APBB2: variants seen among roughly 807,000 people sequenced by gnomAD.
APBB2 encodes amyloid beta precursor protein binding family B member 2.
A neutral mutation model predicts 82.5 loss-of-function variants in APBB2; 38 were observed. The ratio of observed to expected loss-of-function variants is 0.46; its 90% confidence interval spans 0.36 to 0.60. The LOEUF is 0.60. APBB2 is among the 20% of genes least tolerant of loss of function. APBB2 has a pLI of 0.00. For synonymous variants in APBB2, 341 were observed against 368.2 expected, an observed-to-expected ratio of 0.93 and a Z score of 0.85; for missense variants, 772 against 972.3, an observed-to-expected ratio of 0.79 and a Z score of 2.74.
intron 4 of APBB2, among the ~76,000 whole-genome samples, chr4:41,061,443 G>A (rs1046449150): frequency 7.2e-5 from 11 of 152,198 alleles, no homozygotes; most frequent in African/African-American, 2.4e-5. Flanking sequence ...AGAGCCTAGT[G>A]TTCCCAGGCT....
chr4:40,870,769 C>G (rs1431255864), intron 12 of APBB2, among the ~76,000 whole-genome samples: 1 of 144,868 alleles, frequency 6.9e-6, no homozygotes, highest in Non-Finnish European at 1.5e-5. Flanking sequence ...AAGTCTCACT[C>G]TCACCCATGC....
At chr4:41,160,726 A>G (rs1764936866) in intron 1 of APBB2, among the ~76,000 whole-genome samples, 1 of 152,148 alleles carries the variant, frequency 6.6e-6, no homozygotes, top group Non-Finnish European at 1.5e-5. Context: ...GCTCAAAGAG[A>G]GGGAGGGAGG....
At chr4:41,033,688 T>C (rs1718010212) in intron 4 of APBB2, among the ~76,000 whole-genome samples, 1 of 150,220 alleles carries the variant, frequency 6.7e-6, no homozygotes, top group Admixed American at 6.6e-5. Context: ...AAACCATCTG[T>C]TTAGAAAAAA....
At chr4:40,991,685 C>T (rs1040244276) in intron 6 of APBB2, among the ~76,000 whole-genome samples, 2 of 152,034 alleles carry the variant, frequency 1.3e-5, no homozygotes, top group African/African-American at 4.8e-5. Context: ...AGACTTTTCA[C>T]CCCCTCCTCC....
intron 1 of APBB2, chr4:41,193,907 A>G: frequency 6.6e-6 from 1 of 152,204 alleles, no homozygotes; most frequent in Non-Finnish European, 1.5e-5. Context: ...CAGTGTTCGC[A>G]TTTCTTTTCT....
intron 1 of APBB2, among the ~76,000 whole-genome samples, chr4:41,175,888 T>C (rs1769636616): frequency 6.6e-6 from 1 of 152,212 alleles, no homozygotes; most frequent in African/African-American, 2.4e-5. Context: ...GTTCTTACTT[T>C]AAAGCAACCT....
Position 41,100,762 on chromosome 4 carries a change from G to A in APBB2, c.-260-12C>T, listed in dbSNP as rs1745068865. Reference sequence around the variant, plus strand: ...CCAAAGAGATCGATCTAGAAAGTGTGTAGAGACAAAAATTTTAAATTCAAA... The same window carrying A: ...CCAAAGAGATCGATCTAGAAAGTGTATAGAGACAAAAATTTTAAATTCAAA... On this transcript the variant is annotated splice_polypyrimidine_tract_variant and intron_variant, in intron 2 of 17. Transcript: ENST00000508593. The A allele has an allele frequency of 6.6e-6, 1 of 152,146 alleles. No individual in the cohort carries two copies. The highest frequency in any genetic ancestry group is 2.1e-4 in the South Asian group (1 of 4,832). The allele number at this position is 152,146 out of a possible 1,614,324, so 9.4% of individuals were successfully genotyped here.
At chr4:40,946,635 G>A (rs1292443221) in intron 6 of APBB2, among the ~76,000 whole-genome samples, 1 of 152,054 alleles carries the variant, frequency 6.6e-6, no homozygotes, top group African/African-American at 2.4e-5. Context: ...GACATCCACC[G>A]AGATGGAGGG....
intron 12 of APBB2, among the ~76,000 whole-genome samples, chr4:40,887,766 G>A (rs1024140695): frequency 6.6e-6 from 1 of 152,102 alleles, no homozygotes; most frequent in Non-Finnish European, 1.5e-5. Flanking sequence ...ACCCTCCCAT[G>A]ATCTCGCTGA....
In APBB2 at chr4:40,944,866, TCGTTCTC is replaced by T; in HGVS notation, c.1036_1042del (p.Glu346ArgfsTer11). ...TGGTAAAAAGACACTCCGTTTTACC[TCGTTCTC>T]TGGGGTGGGAGATGGCGTTACAGAA... On this transcript the variant is annotated frameshift_variant and splice_region_variant, in exon 7 of 18. Transcript: ENST00000508593. LOFTEE classifies it high-confidence loss of function. The T allele has an allele frequency of 6.2e-7, 1 of 1,612,574 alleles. No homozygotes were observed. Among genetic ancestry groups the T allele is most frequent in the Non-Finnish European group, 8.5e-7 (1 of 1,179,940 alleles).
chr4:40,915,903 T>C (rs1051855270), intron 10 of APBB2, among the ~76,000 whole-genome samples: 1 of 151,994 alleles, frequency 6.6e-6, no homozygotes, highest in Non-Finnish European at 1.5e-5. Context: ...TTGTGACTAA[T>C]AAGAAGGAAG....
chr4:40,875,648 A>AG (rs1766694348), intron 12 of APBB2, among the ~76,000 whole-genome samples: 1 of 152,160 alleles, frequency 6.6e-6, no homozygotes, highest in Non-Finnish European at 1.5e-5. Context: ...GCTACATTTC[A>AG]AGTGCTCAAG....
At chr4:41,040,443 A>T (rs1720914993) in intron 4 of APBB2, among the ~76,000 whole-genome samples, 1 of 152,216 alleles carries the variant, frequency 6.6e-6, no homozygotes, top group Admixed American at 6.5e-5. Context: ...CATTGTGCTA[A>T]GTAGGTACTT....
intron 6 of APBB2, among the ~76,000 whole-genome samples, chr4:41,013,052 G>A (rs1394034286): frequency 1.3e-5 from 2 of 152,104 alleles, no homozygotes; most frequent in African/African-American, 4.8e-5. Context: ...TATTACTTAA[G>A]GCTAATAAAA....
At chr4:41,067,715 A>G (rs1290122307) in intron 3 of APBB2, among the ~76,000 whole-genome samples, 3 of 152,210 alleles carry the variant, frequency 2.0e-5, no homozygotes, top group Non-Finnish European at 4.4e-5. Flanking sequence ...CGGGATAGAA[A>G]GAGATGAATA....
intron 6 of APBB2, among the ~76,000 whole-genome samples, chr4:40,954,408 T>C (rs1238513369): frequency 6.6e-6 from 1 of 152,114 alleles, no homozygotes; most frequent in Non-Finnish European, 1.5e-5. Context: ...GGTGGCTTAA[T>C]TAATTCAACA....
intron 3 of APBB2, among the ~76,000 whole-genome samples, chr4:41,083,566 T>C (rs141429409): frequency 2.6e-4 from 40 of 151,572 alleles, no homozygotes; most frequent in African/African-American, 9.4e-4. Flanking sequence ...CCCGCACCTA[T>C]AGTCGCAGCT....
chr4:40,937,891 T>C (rs1045411035), intron 7 of APBB2, among the ~76,000 whole-genome samples: 1 of 152,248 alleles, frequency 6.6e-6, no homozygotes, highest in African/African-American at 2.4e-5. Flanking sequence ...CTAATAATTT[T>C]TAGTTAACAA....
chr4:41,199,783 A>G (rs1045138223), intron 1 of APBB2, among the ~76,000 whole-genome samples: 4 of 152,234 alleles, frequency 2.6e-5, no homozygotes, highest in African/African-American at 9.6e-5. Flanking sequence ...TATCTTATTA[A>G]TAGCTTCACT....
Sources: gnomAD v4.1 joint callset for allele counts (sites outside exome capture counted in the v4.1 genomes callset) on GRCh38, gnomAD v4.1.1 for gene constraint, MANE v1.5 for transcripts, NCBI Gene and HGNC (gene_info 2026-07-23, HGNC 2026-07-21) for gene names.